Variants in PDE1C observed in about 807,000 individuals in gnomAD.
The protein encoded by PDE1C is dual specificity calcium/calmodulin-dependent 3',5'-cyclic nucleotide phosphodiesterase 1C.
PDE1C carries 62 observed loss-of-function variants against 93.1 expected under a neutral mutation model. That is an observed-to-expected ratio of 0.67 (90% CI 0.54 to 0.82). PDE1C has a LOEUF of 0.82. Among genes scored for constraint, PDE1C ranks in the 40% least tolerant of loss-of-function variants. The pLI is 0.00. For missense variants in PDE1C, 742 were observed against 884.6 expected, an observed-to-expected ratio of 0.84 and a Z score of 2.04; for synonymous variants, 325 against 310.1, an observed-to-expected ratio of 1.05 and a Z score of -0.50.
chr7:31,667,592 A>G, the PDE1C span, among the ~76,000 whole-genome samples: 1 of 152,114 alleles, frequency 6.6e-6, no homozygotes, highest in Non-Finnish European at 1.5e-5. Flanking sequence ...CATATGGTTC[A>G]CATTCTAGTG....
intron 3 of PDE1C, among the ~76,000 whole-genome samples, chr7:32,092,431 T>C (rs148428320): frequency 1.3e-5 from 2 of 152,294 alleles, no homozygotes; most frequent in African/African-American, 4.8e-5. Flanking sequence ...GGGCAGATGC[T>C]GACTTCCCAG....
chr7:31,774,748 A>G (rs1402870015), intron 17 of PDE1C, among the ~76,000 whole-genome samples: 1 of 152,228 alleles, frequency 6.6e-6, no homozygotes, highest in Non-Finnish European at 1.5e-5. Flanking sequence ...TTTTAAAAGG[A>G]AGGAAACAAA....
the PDE1C span, among the ~76,000 whole-genome samples, chr7:31,676,920 C>T: frequency 6.6e-6 from 1 of 152,194 alleles, no homozygotes; most frequent in South Asian, 2.1e-4. Flanking sequence ...ATTAGTCCCA[C>T]TCAGTGGCTG....
intron 1 of PDE1C, among the ~76,000 whole-genome samples, chr7:32,212,793 G>T (rs1482014834): frequency 1.3e-5 from 2 of 152,070 alleles, no homozygotes; most frequent in African/African-American, 2.4e-5. Context: ...CCATCCCCCA[G>T]ATCTTTGCCC....
chr7:32,167,827 C>A (rs1388296964), intron 3 of PDE1C, among the ~76,000 whole-genome samples: 1 of 152,114 alleles, frequency 6.6e-6, no homozygotes, highest in East Asian at 1.9e-4. Context: ...TGTGGTACCA[C>A]TCAATGGTAA....
the PDE1C span, among the ~76,000 whole-genome samples, chr7:31,621,682 C>A: frequency 1.4e-3 from 186 of 133,094 alleles, 1 homozygote; most frequent in Non-Finnish European, 2.2e-3. Flanking sequence ...TCGAGACTAG[C>A]AATAAACTGC....
chr7:31,775,600 C>A (rs891608941), intron 17 of PDE1C, 64 bp downstream of exon 17: 4 of 1,387,486 alleles, frequency 2.9e-6, no homozygotes, highest in Non-Finnish European at 4.1e-6. Flanking sequence ...ACCCAATTCC[C>A]GAGAAACCAG....
intron 1 of PDE1C, among the ~76,000 whole-genome samples, chr7:32,397,286 A>G (rs1784854929): frequency 6.6e-6 from 1 of 152,342 alleles, no homozygotes; most frequent in Non-Finnish European, 1.5e-5. Context: ...CCAGAAAAAA[A>G]TAAGTAAAAG....
chr7:31,861,599 A>G (rs1384899258), intron 7 of PDE1C, among the ~76,000 whole-genome samples: 1 of 152,110 alleles, frequency 6.6e-6, no homozygotes, highest in African/African-American at 2.4e-5. Flanking sequence ...TTATCAAACC[A>G]AGAATCTAAG....
upstream of PDE1C, among the ~76,000 whole-genome samples, chr7:32,072,833 C>T (rs1448183656): frequency 6.6e-6 from 1 of 152,168 alleles, no homozygotes; most frequent in African/African-American, 2.4e-5. Flanking sequence ...TGGCTGATTA[C>T]CTTATCCTAT....
intron 7 of PDE1C, among the ~76,000 whole-genome samples, chr7:31,860,313 C>A (rs779467048): frequency 4.6e-5 from 7 of 152,120 alleles, no homozygotes; most frequent in Non-Finnish European, 7.4e-5. Flanking sequence ...CATACTGCTA[C>A]ACTACAATGC....
intron 1 of PDE1C, among the ~76,000 whole-genome samples, chr7:32,062,440 G>A (rs910344208): frequency 6.6e-6 from 1 of 152,184 alleles, no homozygotes; most frequent in Admixed American, 6.5e-5. Context: ...TTTTCTCAGA[G>A]GGGCCATGCT....
At chr7:31,655,741 G>A in the PDE1C span, 32 of 985,560 alleles carry the variant, frequency 3.2e-5, no homozygotes, top group Middle Eastern at 5.2e-4. Flanking sequence ...CCTCCAAATC[G>A]TTTCCCTTGC....
At chr7:32,291,633 T>A (rs1053504218) in intron 1 of PDE1C, among the ~76,000 whole-genome samples, 9 of 152,254 alleles carry the variant, frequency 5.9e-5, no homozygotes, top group African/African-American at 1.9e-4. Context: ...AAGCCTAGTA[T>A]GCTTACTTCA....
intron 3 of PDE1C, among the ~76,000 whole-genome samples, chr7:32,152,962 A>G (rs1286318658): frequency 6.6e-6 from 1 of 152,210 alleles, no homozygotes; most frequent in African/African-American, 2.4e-5. Context: ...CTCATCATTT[A>G]TCAGCAGTCT....
chr7:31,708,960 TTGAGGCATAATTGG>T, the PDE1C span, among the ~76,000 whole-genome samples: 2 of 152,302 alleles, frequency 1.3e-5, no homozygotes, highest in South Asian at 4.1e-4. Context: ...CGGGTGCTGG[TTGAGGCATAATTGG>T]TGAAGGAGGG....
chr7:32,075,827 C>T (rs543078669), upstream of PDE1C, among the ~76,000 whole-genome samples: 5 of 152,240 alleles, frequency 3.3e-5, no homozygotes, highest in African/African-American at 1.2e-4. Context: ...TTCAGTTGCT[C>T]CCACAAGAGA....
At chr7:32,271,163 A>T (rs894934066) in intron 1 of PDE1C, among the ~76,000 whole-genome samples, 8 of 152,064 alleles carry the variant, frequency 5.3e-5, no homozygotes, top group African/African-American at 1.9e-4. Flanking sequence ...ACAAACAAAC[A>T]AACAGGGCTC....
chr7:32,273,539 A>T (rs146784547), intron 1 of PDE1C, among the ~76,000 whole-genome samples: 1 of 152,330 alleles, frequency 6.6e-6, no homozygotes, highest in Non-Finnish European at 1.5e-5. Context: ...ACCCCACTGG[A>T]CTTCCTTCAT....
Sources: allele counts gnomAD v4.1 joint callset (sites outside exome capture counted in the v4.1 genomes callset), GRCh38; gene constraint gnomAD v4.1.1; transcripts MANE v1.5; gene names NCBI Gene and HGNC (gene_info 2026-07-23, HGNC 2026-07-21).